Variants in FMN1 observed in about 807,000 individuals in gnomAD.
The protein encoded by FMN1 is formin-1.
A neutral mutation model predicts 132.4 loss-of-function variants in FMN1; 110 were observed. The observed-to-expected ratio is 0.83, with a 90% CI of 0.71 to 0.97. FMN1 has a LOEUF of 0.97. Ranked by LOEUF, FMN1 falls within the 50% of genes least tolerant of loss-of-function variation. FMN1 has a pLI of 0.00. For synonymous variants in FMN1, 722 were observed against 651.7 expected, an observed-to-expected ratio of 1.11 and a Z score of -1.64; for missense variants, 1,792 against 1,705.3, an observed-to-expected ratio of 1.05 and a Z score of -0.90.
At chr15:32,835,959 C>G (rs2058613548) in intron 17 of FMN1, among the ~76,000 whole-genome samples, 1 of 152,094 alleles carries the variant, frequency 6.6e-6, no homozygotes, top group South Asian at 2.1e-4. Context: ...CTTCTGGGCT[C>G]AAGTGTTCCT....
intron 7 of FMN1, among the ~76,000 whole-genome samples, chr15:32,992,571 T>C (rs2033500437): frequency 6.6e-6 from 1 of 152,202 alleles, no homozygotes; most frequent in South Asian, 2.1e-4. Flanking sequence ...AGGACTGGTA[T>C]CTGTGGGAGA....
chr15:32,965,490 A>T (rs1241896775), intron 8 of FMN1, among the ~76,000 whole-genome samples: 1 of 152,216 alleles, frequency 6.6e-6, no homozygotes, highest in African/African-American at 2.4e-5. Flanking sequence ...GTTACAATCC[A>T]TAACATCTAA....
In FMN1 at chr15:32,856,996, G is replaced by A. The variant is rs368780529; in HGVS notation, c.3928+19C>T. On this transcript the variant is annotated intron_variant, in intron 17 of 20. Transcript: ENST00000616417. ...ATGTTTCAGGGCCACGTGTATGTGC[G>A]GCTGACAAAGCTTCCTACCTTTTTG... 17 of 1,565,752 alleles carry A rather than the reference G, an allele frequency of 1.1e-5. No individual in the cohort carries two copies. The highest frequency in any genetic ancestry group is 4.5e-5 in the East Asian group (2 of 44,680).
At chr15:32,989,968 A>C (rs570633563) in intron 7 of FMN1, among the ~76,000 whole-genome samples, 1 of 152,240 alleles carries the variant, frequency 6.6e-6, no homozygotes, top group South Asian at 2.1e-4. Flanking sequence ...TTGGGAGGGG[A>C]AGAGGAGGAG....
intron 4 of FMN1, among the ~76,000 whole-genome samples, chr15:33,124,261 A>C (rs1400070134): frequency 4.8e-5 from 7 of 146,260 alleles, no homozygotes; most frequent in Non-Finnish European, 8.8e-5. Flanking sequence ...GGAGGAAAAA[A>C]ACACATTGAC....
At chr15:33,069,047 T>C (rs1287617184) in intron 5 of FMN1, among the ~76,000 whole-genome samples, 1 of 152,124 alleles carries the variant, frequency 6.6e-6, no homozygotes, top group Non-Finnish European at 1.5e-5. Flanking sequence ...GACAAAACAA[T>C]TTGAAGATCC....
chr15:32,888,347 T>C, intron 15 of FMN1, 55 bp from the exon 16 acceptor site: 19 of 1,482,466 alleles, frequency 1.3e-5, no homozygotes, highest in Non-Finnish European at 1.6e-5. Flanking sequence ...CACTTTCAGT[T>C]GAAATTCCAA....
chr15:32,869,246 G>A (rs565575607), intron 16 of FMN1, among the ~76,000 whole-genome samples: 6 of 151,426 alleles, frequency 4.0e-5, no homozygotes, highest in Non-Finnish European at 5.9e-5. Flanking sequence ...AAGAGTGTGC[G>A]TAGGGGAGAA....
rs1566788095 is a variant in FMN1, at chr15:32,981,536, TAA to T, written c.2224-12061_2224-12060del. ...CCATCTCAAATAATAATAATAATAA[TAA>T]TAATAATTATTATTATTATTATTAT... On this transcript the variant is annotated intron_variant, in intron 7 of 20. Transcript: ENST00000616417. 7.1e-3 allele frequency among the ~76,000 whole-genome samples: 946 copies of T among 133,028 alleles called. 6 individuals carry two copies. The highest frequency in any genetic ancestry group is 0.012 in the Non-Finnish European group (716 of 62,046). The allele number at this position is 133,028 out of a possible 152,430, so 87.3% of individuals were successfully genotyped here.
chr15:33,170,558 A>T (rs1965281419), intron 3 of FMN1, among the ~76,000 whole-genome samples: 1 of 143,744 alleles, frequency 7.0e-6, no homozygotes, highest in South Asian at 2.1e-4. Context: ...TCAACAATAA[A>T]AAAAAAAAAA....
At chr15:32,919,670 G>C (rs981418317) in intron 10 of FMN1, among the ~76,000 whole-genome samples, 1 of 151,918 alleles carries the variant, frequency 6.6e-6, no homozygotes, top group Non-Finnish European at 1.5e-5. Context: ...TTTACTGTTG[G>C]GGTGCACGAT....
chr15:33,026,220 A>G (rs1235103654), intron 6 of FMN1, among the ~76,000 whole-genome samples: 2 of 151,984 alleles, frequency 1.3e-5, no homozygotes, highest in Non-Finnish European at 2.9e-5. Context: ...CTCTGGGGAA[A>G]GAGGCAGAGA....
At chr15:33,099,967 ATTTGCATAACT>A (rs1227430383) in intron 4 of FMN1, among the ~76,000 whole-genome samples, 1 of 152,056 alleles carries the variant, frequency 6.6e-6, no homozygotes, top group African/African-American at 2.4e-5. Flanking sequence ...CTAATAAATC[ATTTGCATAACT>A]TTTGCTTCCT....
intron 3 of FMN1, among the ~76,000 whole-genome samples, chr15:33,163,347 C>T (rs753958328): frequency 1.3e-5 from 2 of 149,942 alleles, no homozygotes; most frequent in African/African-American, 4.9e-5. Context: ...CAGGCTGGAG[C>T]GCAATGGCAC....
chr15:32,931,479 A>T (rs190042888), intron 9 of FMN1, among the ~76,000 whole-genome samples: 1 of 152,102 alleles, frequency 6.6e-6, no homozygotes, highest in East Asian at 1.9e-4. Flanking sequence ...TTGTTTTCTT[A>T]ATTTCCCTTC....
At chr15:32,886,168 A>C (rs915351281) in intron 16 of FMN1, among the ~76,000 whole-genome samples, 3 of 152,178 alleles carry the variant, frequency 2.0e-5, no homozygotes, top group Admixed American at 6.5e-5. Flanking sequence ...ATTTTCTTTA[A>C]ATATTTACTG....
intron 19 of FMN1, among the ~76,000 whole-genome samples, chr15:32,781,886 C>T (rs1249490095): frequency 6.6e-6 from 1 of 152,214 alleles, no homozygotes; most frequent in African/African-American, 2.4e-5. Context: ...CCTCACTCCA[C>T]GTGTTCCATG....
chr15:33,022,138 TAATA>T (rs2035445118), intron 6 of FMN1, among the ~76,000 whole-genome samples: 1 of 152,238 alleles, frequency 6.6e-6, no homozygotes, highest in South Asian at 2.1e-4. Context: ...AGATTACTTA[TAATA>T]AATACCTAAT....
rs1231907594 is a variant in FMN1, at chr15:33,154,859, T to C, written c.56A>G (p.Tyr19Cys). The C allele has an allele frequency of 6.5e-7, 1 of 1,536,288 alleles. No homozygotes were observed. Among genetic ancestry groups the C allele is most frequent in the South Asian group, 1.2e-5 (1 of 84,054 alleles). The stretch of plus-strand genomic sequence containing the variant: ...CCCCTTTGGAAGACAGAAGCTGATG[T>C]AGCAGAGTTCCGTAATGGGCTTATG... ...QLHKPITELC[Y>C]ISFCLPKGEV... Residue 19 changes from tyrosine to cysteine, a missense_variant, in exon 4 of 21, where the codon TAC becomes TGC. Physicochemically the swap from Tyr to Cys is radical, Grantham distance 194 (BLOSUM62 -2). Around this residue, in one of 3 missense-constraint regions of FMN1, gnomAD observed 638 missense variants for 645.2 expected, o/e 0.99. Transcript: ENST00000616417.
Sources: allele counts gnomAD v4.1 joint callset (sites outside exome capture counted in the v4.1 genomes callset), GRCh38; gene constraint gnomAD v4.1.1; regional missense constraint gnomAD v4.1.1; transcripts MANE v1.5; gene names NCBI Gene and HGNC (gene_info 2026-07-23, HGNC 2026-07-21).